PCDHA8: variants seen among roughly 807,000 people sequenced by gnomAD.
PCDHA8 encodes protocadherin alpha-8.
In PCDHA8, 53 loss-of-function variants were observed where a neutral mutation model predicts 61.8. The observed-to-expected ratio is 0.86, with a 90% CI of 0.69 to 1.08. PCDHA8 has a LOEUF of 1.08. Ranked by LOEUF, PCDHA8 falls within the 50% of genes least tolerant of loss-of-function variation. The pLI is 0.00. For synonymous variants in PCDHA8, 618 were observed against 556.6 expected (o/e 1.11, Z -1.55); for missense variants, 1,293 against 1,245.0 (o/e 1.04, Z -0.58).
Position 140,967,862 on chromosome 5 carries a change from G to T in PCDHA8, c.2395-11087G>T, listed in dbSNP as rs781878230. On this transcript the variant is annotated intron_variant, in intron 1 of 3. Transcript: ENST00000531613. ...CGTGAATGACAATGCCCCAGAGGTG[G>T]TGCTCACGGACCTGTATAGCCCAGT... The T allele has an allele frequency of 8.1e-6, 13 of 1,614,170 alleles. No individual in the cohort carries two copies. The East Asian group carries it at 2.5e-4, about 30-fold the overall frequency.
intron 1 of PCDHA8, chr5:140,858,280 G>C (rs782403060): frequency 3.1e-6 from 5 of 1,597,578 alleles, no homozygotes; most frequent in Non-Finnish European, 4.3e-6. Context: ...GCGCGGTGGG[G>C]AGCTGGTCTT....
At chr5:140,857,087 C>T (rs782316831) in intron 1 of PCDHA8, 8 of 1,597,160 alleles carry the variant, frequency 5.0e-6, no homozygotes, top group East Asian at 2.2e-5. Flanking sequence ...TGATAATTCA[C>T]CTGAGGTGAT....
chr5:140,845,039 C>T (rs1485557365), intron 1 of PCDHA8, among the ~76,000 whole-genome samples: 2 of 149,068 alleles, frequency 1.3e-5, no homozygotes, highest in Non-Finnish European at 3.0e-5. Context: ...ATTTTAGCCC[C>T]CTTGTCCAAC....
At chr5:140,989,363 T>A (rs2097339689) in intron 3 of PCDHA8, among the ~76,000 whole-genome samples, 1 of 152,158 alleles carries the variant, frequency 6.6e-6, no homozygotes, top group Non-Finnish European at 1.5e-5. Flanking sequence ...GTCACCTGTG[T>A]GACTGAGAGC....
chr5:140,866,304 A>G (rs898524631), intron 1 of PCDHA8: 16 of 152,138 alleles, frequency 1.1e-4, no homozygotes, highest in African/African-American at 3.6e-4. Flanking sequence ...AGATGTTGAT[A>G]TTATTATTTC....
chr5:140,869,332 G>T (rs1554162910), intron 1 of PCDHA8: 1 of 1,613,960 alleles, frequency 6.2e-7, no homozygotes, highest in South Asian at 1.1e-5. Context: ...CCTTCTGGAG[G>T]TAAATCTGCA....
intron 3 of PCDHA8, among the ~76,000 whole-genome samples, chr5:141,005,658 C>T (rs1014602554): frequency 6.9e-4 from 96 of 138,640 alleles, no homozygotes; most frequent in African/African-American, 2.4e-3. Flanking sequence ...GTCGAGATCG[C>T]GCCACTGCAC....
rs781941183 is a variant in PCDHA8, at chr5:140,884,613, C to T, written c.2394+40898C>T. On this transcript the variant is annotated intron_variant, in intron 1 of 3. Transcript: ENST00000531613. ...CCCAGCCTTCCTCCTTGTCTGGGTT[C>T]TGCAGAGGGAACAGGCCAGAGGGAG... 3 of 1,614,086 alleles carry T rather than the reference C, an allele frequency of 1.9e-6. No individual in the cohort carries two copies. The South Asian group carries it at 3.3e-5, about 18-fold the overall frequency.
rs1243853436 is a variant in PCDHA8, at chr5:140,900,308, A to G, written c.2394+56593A>G. ...CTTTTCTGTTTTTTTAGACAGTCTC[A>G]CTTTTGTCGCCCAGGCTGGAGTACC... On this transcript the variant is annotated intron_variant, in intron 1 of 3. Transcript: ENST00000531613. 1.3e-4 allele frequency among the ~76,000 whole-genome samples: 19 copies of G among 149,982 alleles called. No individual in the cohort carries two copies. The East Asian group carries it at 3.9e-3, about 31-fold the overall frequency.
chr5:140,986,656 C>T (rs141575317), intron 3 of PCDHA8, among the ~76,000 whole-genome samples: 2 of 152,290 alleles, frequency 1.3e-5, no homozygotes, highest in East Asian at 1.9e-4. Context: ...GTGGGAGATG[C>T]TCACAGTTTT....
intron 1 of PCDHA8, chr5:140,857,466 T>C: frequency 1.9e-6 from 3 of 1,598,502 alleles, no homozygotes; most frequent in Non-Finnish European, 2.6e-6. Context: ...GGCTGCCACA[T>C]CTTCACGGTG....
intron 1 of PCDHA8, among the ~76,000 whole-genome samples, chr5:140,918,094 T>C (rs1001602407): frequency 1.3e-5 from 2 of 152,188 alleles, no homozygotes; most frequent in East Asian, 1.9e-4. Context: ...ATTCTTTTTA[T>C]AGAGATCTTT....
chr5:141,005,701 CAAAAA>C (rs59860837), intron 3 of PCDHA8, among the ~76,000 whole-genome samples: 1 of 7,786 alleles, frequency 1.3e-4, no homozygotes, highest in Non-Finnish European at 2.7e-4. Context: ...AACTCCGTCT[CAAAAA>C]AAAAAAAAAA....
chr5:140,951,084 T>C (rs190031878), intron 1 of PCDHA8, among the ~76,000 whole-genome samples: 2 of 152,168 alleles, frequency 1.3e-5, no homozygotes, highest in African/African-American at 4.8e-5. Context: ...ATATTTTCCT[T>C]TTTTTCTGAT....
intron 1 of PCDHA8, among the ~76,000 whole-genome samples, chr5:140,898,087 T>C (rs1480771668): frequency 2.6e-5 from 4 of 152,150 alleles, no homozygotes; most frequent in Non-Finnish European, 5.9e-5. Flanking sequence ...TTCTGGATAT[T>C]AGCCCTTTGT....
Position 141,009,779 on chromosome 5 carries a change from A to G in PCDHA8, c.2695A>G (p.Ile899Val), listed in dbSNP as rs1289763016. 3.7e-6 allele frequency: 6 copies of G among 1,613,952 alleles called. No individual in the cohort carries two copies. Among genetic ancestry groups the G allele is most frequent in the Non-Finnish European group, 5.1e-6 (6 of 1,180,030 alleles). ...CCCAGGATCTCCTGCAATCATCTCCATCCGGCAGGAGCCTACTAACAGCCA... is the reference window on the plus strand; with the variant it reads ...CCCAGGATCTCCTGCAATCATCTCCGTCCGGCAGGAGCCTACTAACAGCCA... ...IIPGSPAIIS[I>V]RQEPTNSQID... The change falls in exon 4 of 4, where the codon ATC becomes GTC. Residue 899 changes from isoleucine to valine, a missense_variant. Coordinates refer to ENST00000531613, the MANE Select transcript of PCDHA8 (RefSeq NM_018911.3).
chr5:141,002,356 C>G (rs2098075572), intron 3 of PCDHA8, among the ~76,000 whole-genome samples: 1 of 152,272 alleles, frequency 6.6e-6, no homozygotes, highest in Non-Finnish European at 1.5e-5. Flanking sequence ...CACCTCCACT[C>G]CTTTCAACTC....
intron 3 of PCDHA8, among the ~76,000 whole-genome samples, chr5:140,986,828 G>A (rs1001117075): frequency 3.9e-5 from 6 of 152,146 alleles, no homozygotes; most frequent in Non-Finnish European, 5.9e-5. Flanking sequence ...TTTAGACAAT[G>A]GTTCTCAAAG....
Position 140,889,022 on chromosome 5 carries a change from G to A in PCDHA8, c.2394+45307G>A, listed in dbSNP as rs183317307. Among the ~76,000 whole-genome samples the A allele has an allele frequency of 5.5e-3, 837 of 151,922 alleles. 11 individuals are homozygous for A. The highest frequency in any genetic ancestry group is 0.019 in the African/African-American group (781 of 41,426). ...TGGCAAACCAACCTCTACTTCCTTG[G>A]ATAACCGTAATTTGATTATAATTTA... On this transcript the variant is annotated intron_variant, in intron 1 of 3. Coordinates refer to ENST00000531613, the MANE Select transcript of PCDHA8 (RefSeq NM_018911.3).
Sources: gnomAD v4.1 joint callset for allele counts (sites outside exome capture counted in the v4.1 genomes callset) on GRCh38, gnomAD v4.1.1 for gene constraint, MANE v1.5 for transcripts, NCBI Gene and HGNC (gene_info 2026-07-23, HGNC 2026-07-21) for gene names.